IL16: variants seen among roughly 807,000 people sequenced by gnomAD.
IL16 encodes the protein interleukin 16, also known as pro-interleukin-16.
In IL16, 67 loss-of-function variants were observed where a neutral mutation model predicts 110.1. The observed-to-expected ratio is 0.61, with a 90% CI of 0.50 to 0.75. The LOEUF (loss-of-function observed/expected upper bound fraction) is 0.75, where lower values mean the gene tolerates loss of function less well. IL16 is among the 30% of genes least tolerant of loss of function. IL16 has a pLI of 0.00. For synonymous variants in IL16, 689 were observed against 662.9 expected, an observed-to-expected ratio of 1.04 and a Z score of -0.61; for missense variants, 1,545 against 1,655.0, an observed-to-expected ratio of 0.93 and a Z score of 1.15.
intron 2 of IL16, among the ~76,000 whole-genome samples, chr15:81,227,923 G>A (rs1263401218): frequency 7.2e-5 from 11 of 152,098 alleles, no homozygotes; most frequent in Admixed American, 7.2e-4. Flanking sequence ...GCACCTGGGG[G>A]TAGAAGTTTC....
At chr15:81,210,775 A>G (rs1418112130) in intron 1 of IL16, among the ~76,000 whole-genome samples, 2 of 152,220 alleles carry the variant, frequency 1.3e-5, no homozygotes, top group Non-Finnish European at 2.9e-5. Flanking sequence ...GTATAGATTC[A>G]TATTGACAAC....
At position 81,292,783 on chromosome 15, in the gene IL16, C is replaced by T. The variant is rs775433505; in HGVS notation, c.1648C>T (p.Arg550Trp). ...STHSPSLPLAREPVVLSIASS... is the reference protein window; with the variant it reads ...STHSPSLPLAWEPVVLSIASS... The stretch of plus-strand genomic sequence containing the variant: ...ACACAGCCCCAGCTTGCCTCTGGCA[C>T]GGGAGCCAGTGGTGCTTTCTATAGC... The change falls in exon 12 of 19, where the codon CGG becomes TGG. Residue 550 changes from arginine to tryptophan, a missense_variant. By Grantham distance (101) the Arg-to-Trp change is moderately radical (BLOSUM62 -3). Transcript: ENST00000683961. 5.1e-5 allele frequency: 83 copies of T among 1,613,994 alleles called. No individual in the cohort carries two copies. Among genetic ancestry groups the T allele is most frequent in the Non-Finnish European group, 5.8e-5 (69 of 1,180,020 alleles).
intron 5 of IL16, among the ~76,000 whole-genome samples, chr15:81,270,604 A>G: frequency 6.6e-6 from 1 of 152,204 alleles, no homozygotes; most frequent in East Asian, 1.9e-4. Context: ...ACTTTCTCTG[A>G]AGGACCCATT....
intron 2 of IL16, among the ~76,000 whole-genome samples, chr15:81,241,990 T>C (rs1334970579): frequency 6.6e-6 from 1 of 151,836 alleles, no homozygotes; most frequent in East Asian, 1.9e-4. Context: ...GATATCCAAT[T>C]ATAGCACCAT....
intron 5 of IL16, among the ~76,000 whole-genome samples, chr15:81,271,362 G>A (rs1323223487): frequency 6.6e-6 from 1 of 152,034 alleles, no homozygotes; most frequent in Non-Finnish European, 1.5e-5. Flanking sequence ...AGTCCCAGCT[G>A]CCCAGGAGGC....
chr15:81,208,654 T>C (rs1429726059), intron 1 of IL16, among the ~76,000 whole-genome samples: 3 of 152,230 alleles, frequency 2.0e-5, no homozygotes, highest in Non-Finnish European at 2.9e-5. Flanking sequence ...AAAAATGTTT[T>C]TGCAACTCTT....
intron 2 of IL16, among the ~76,000 whole-genome samples, chr15:81,235,253 G>A (rs1041479661): frequency 1.3e-5 from 2 of 152,212 alleles, no homozygotes; most frequent in Admixed American, 1.3e-4. Flanking sequence ...TTAAAGAAAA[G>A]AGGTTTATTT....
At chr15:81,263,755 C>T (rs949511192) in intron 3 of IL16, among the ~76,000 whole-genome samples, 7 of 152,206 alleles carry the variant, frequency 4.6e-5, no homozygotes, top group Non-Finnish European at 1.0e-4. Flanking sequence ...TCCTCATTCC[C>T]TCTGAACCCA....
intron 13 of IL16, 82 bp from the exon 14 acceptor site, chr15:81,299,298 G>A (rs4778636): frequency 0.095 from 152,107 of 1,598,460 alleles, 8,664 homozygotes; most frequent in African/African-American, 0.23. Context: ...CCTTCTTGCT[G>A]TTCAGCTTGG....
Position 81,313,316 on chromosome 15 carries a change from G to C in IL16, c.*4518G>C, listed in dbSNP as rs931707165. ...TGGCATAAAACCGGGTCATGCTGCG[G>C]GGGAAGAAGGAGTCCACCACGTTCT... is the stretch of plus-strand genomic sequence containing the variant. On this transcript the variant is annotated 3_prime_UTR_variant, in exon 19 of 19. Coordinates refer to ENST00000683961, the MANE Select transcript of IL16 (RefSeq NM_172217.5). 1.3e-6 allele frequency: 2 copies of C among 1,578,972 alleles called. No homozygotes were observed. The highest frequency in any genetic ancestry group is 3.6e-5 in the Admixed American group (2 of 55,254).
upstream of IL16, among the ~76,000 whole-genome samples, chr15:81,196,123 G>C (rs1895591400): frequency 6.6e-6 from 1 of 152,244 alleles, no homozygotes; most frequent in Non-Finnish European, 1.5e-5. Context: ...TGATGCAGCT[G>C]GCTTGAGGAC....
rs1898932616 is a variant in IL16 at position 81,276,839 on chromosome 15, A to T, written c.791-1978A>T. Reference sequence around the variant, plus strand: ...CAGAATATCCTGAAAATGAGTTTATAAAGATTACATACTATACTACATCAG... The same window carrying T: ...CAGAATATCCTGAAAATGAGTTTATTAAGATTACATACTATACTACATCAG... On this transcript the variant is annotated intron_variant, in intron 6 of 18. Coordinates refer to ENST00000683961, the MANE Select transcript of IL16 (RefSeq NM_172217.5). Among the ~76,000 whole-genome samples, 3 of 152,230 alleles carry T rather than the reference A, an allele frequency of 2.0e-5. No homozygotes were observed. In the South Asian group the frequency reaches 6.2e-4, roughly 31 times the overall value.
intron 2 of IL16, among the ~76,000 whole-genome samples, chr15:81,246,768 T>C (rs1897565109): frequency 6.6e-6 from 1 of 152,208 alleles, no homozygotes; most frequent in Non-Finnish European, 1.5e-5. Flanking sequence ...TTTGGAATTA[T>C]TTATTTCTTC....
In IL16 at chr15:81,310,127, A is replaced by G. The variant is rs1169153941; in HGVS notation, c.*1329A>G. 6.6e-6 allele frequency: 1 copy of G among 152,258 alleles called. No homozygotes were observed. The highest frequency in any genetic ancestry group is 1.5e-5 in the Non-Finnish European group (1 of 68,064). 9.4% of individuals were successfully genotyped at this position (152,258 alleles called of 1,614,324 possible). The stretch of plus-strand genomic sequence containing the variant: ...CATCCCTTGACCAGGCCTGGGCCAG[A>G]GTATTGGTCTCCTCTCAGCCCCTGA... On this transcript the variant is annotated 3_prime_UTR_variant, in exon 19 of 19. Coordinates refer to ENST00000683961, the MANE Select transcript of IL16 (RefSeq NM_172217.5).
In IL16 at chr15:81,308,706, A is replaced by G. The variant is rs1481812360; in HGVS notation, c.3907A>G (p.Ile1303Val). ...CCTCACACGGTTTGAAGCCTGGAACATCATCAAGGCACTGCCTGATGGACC... is the reference window on the plus strand; with the variant it reads ...CCTCACACGGTTTGAAGCCTGGAACGTCATCAAGGCACTGCCTGATGGACC... ...QGLTRFEAWN[I>V]IKALPDGPVT... Residue 1303 changes from isoleucine (I) to valine (V), a missense_variant, in exon 19 of 19, where the codon ATC becomes GTC. By Grantham distance (29) the Ile-to-Val change is conservative. Coordinates refer to ENST00000683961, the MANE Select transcript of IL16 (RefSeq NM_172217.5). 9 of 1,614,056 alleles carry G rather than the reference A, an allele frequency of 5.6e-6. No homozygotes were observed. The highest frequency in any genetic ancestry group is 1.3e-5 in the African/African-American group (1 of 74,954).
chr15:81,267,088 T>G (rs894307755), intron 4 of IL16, among the ~76,000 whole-genome samples: 4 of 152,150 alleles, frequency 2.6e-5, no homozygotes, highest in African/African-American at 9.7e-5. Context: ...ACTGGAGCCC[T>G]CCAATATCTG....
chr15:81,230,005 G>T (rs1438644765), intron 2 of IL16, among the ~76,000 whole-genome samples: 1 of 152,148 alleles, frequency 6.6e-6, no homozygotes, highest in Non-Finnish European at 1.5e-5. Flanking sequence ...GTTGTGTTTG[G>T]CCCAGAAAAG....
intron 2 of IL16, among the ~76,000 whole-genome samples, chr15:81,230,722 C>G (rs73499348): frequency 0.08 from 12,156 of 152,158 alleles, 1,139 homozygotes; most frequent in African/African-American, 0.23. Flanking sequence ...AGGATTTACA[C>G]CCTTCATTAT....
At position 81,303,136 on chromosome 15, in the gene IL16, A is replaced by T. The variant is rs940321056; in HGVS notation, c.3319-413A>T. The T allele has an allele frequency of 6.0e-6, 1 of 166,098 alleles. No individual in the cohort carries two copies. Among genetic ancestry groups the T allele is most frequent in the African/African-American group, 2.4e-5 (1 of 41,466 alleles). The allele number at this position is 166,098 out of a possible 1,614,324, so 10.3% of individuals were successfully genotyped here. ...CATGGAGAAGTAGAAGGGAAGAAGG[A>T]GCAACCAATTCCTGCAGAACAGCAC... On this transcript the variant is annotated intron_variant, in intron 15 of 18. Coordinates refer to ENST00000683961, the MANE Select transcript of IL16 (RefSeq NM_172217.5). The surrounding 1 kb of genome is among the most constrained non-coding windows in gnomAD (Gnocchi z 4.1).
Sources: gnomAD v4.1 joint callset for allele counts (sites outside exome capture counted in the v4.1 genomes callset) on GRCh38, gnomAD v4.1.1 for gene constraint, Gnocchi (gnomAD v3.1) non-coding constraint, MANE v1.5 for transcripts, NCBI Gene and HGNC (gene_info 2026-07-23, HGNC 2026-07-21) for gene names.